The following DNAH11 variants were observed in gnomAD, a reference collection of about 807,000 sequenced individuals.
DNAH11 encodes axonemal beta dynein heavy chain 11.
A neutral mutation model predicts 526.0 loss-of-function variants in DNAH11; 442 were observed. That is an observed-to-expected ratio of 0.84 (90% CI 0.78 to 0.91). The LOEUF (loss-of-function observed/expected upper bound fraction) is 0.91. Among genes scored for constraint, DNAH11 ranks in the 40% least tolerant of loss-of-function variants. The probability of loss-of-function intolerance (pLI) is 0.00; values close to 1 mark genes in which losing one functional copy is unlikely to be tolerated. For synonymous variants in DNAH11, 2,461 were observed against 1,935.9 expected (o/e 1.27, Z -7.12); for missense variants, 6,989 against 5,448.7 (o/e 1.28, Z -8.90).
chr7:21,626,664 C>G (rs1441406077), intron 25 of DNAH11, among the ~76,000 whole-genome samples: 1 of 150,458 alleles, frequency 6.6e-6, no homozygotes, highest in Non-Finnish European at 1.5e-5. Flanking sequence ...GACATCATAT[C>G]TCATTGTATT....
chr7:21,749,691 A>G lies in DNAH11; in HGVS notation c.8687A>G (p.Asn2896Ser), dbSNP rs1043674651. Residue 2896 changes from asparagine to serine, a missense_variant, in exon 53 of 82, where the codon AAT becomes AGT. By Grantham distance (46) the Asn-to-Ser change is conservative. Transcript: ENST00000409508. ...GIQELRVDLA[N>S]LYIRTGAKNM... ...CTTTCCTTACAGGTAGATCTTGCCA[A>G]TTTGTACATCCGAACTGGAGCCAAG... is the stretch of plus-strand genomic sequence containing the variant. The G allele has an allele frequency of 1.9e-6, 3 of 1,613,858 alleles. No individual in the cohort carries two copies. Among genetic ancestry groups the G allele is most frequent in the South Asian group, 1.1e-5 (1 of 91,058 alleles).
intron 40 of DNAH11, among the ~76,000 whole-genome samples, chr7:21,710,162 GA>G (rs1784407617): frequency 6.6e-6 from 1 of 152,158 alleles, no homozygotes; most frequent in African/African-American, 2.4e-5. Flanking sequence ...GGAGACAGGT[GA>G]AATAAACAAA....
chr7:21,673,768 A>C (rs1013059022), intron 30 of DNAH11, among the ~76,000 whole-genome samples: 1 of 152,168 alleles, frequency 6.6e-6, no homozygotes, highest in Non-Finnish European at 1.5e-5. Flanking sequence ...ATTATAATCA[A>C]GCTTGCTGAC....
At chr7:21,609,574 A>T (rs924466776) in intron 20 of DNAH11, among the ~76,000 whole-genome samples, 1 of 152,162 alleles carries the variant, frequency 6.6e-6, no homozygotes, top group African/African-American at 2.4e-5. Flanking sequence ...GATAGGAAAA[A>T]AAACGATTAA....
intron 29 of DNAH11, 78 bp downstream of exon 29, chr7:21,656,059 A>T: frequency 1.4e-6 from 2 of 1,446,764 alleles, no homozygotes; most frequent in Non-Finnish European, 1.8e-6. Flanking sequence ...TCAACAAGCA[A>T]AAAATTCAAC....
chr7:21,834,344 A>G (rs953726890), intron 65 of DNAH11, among the ~76,000 whole-genome samples: 1 of 152,342 alleles, frequency 6.6e-6, no homozygotes, highest in South Asian at 2.1e-4. Context: ...GGAACACAGC[A>G]AAAGCAGTTC....
intron 14 of DNAH11, among the ~76,000 whole-genome samples, chr7:21,593,547 T>C (rs1784764817): frequency 1.4e-5 from 2 of 146,214 alleles, no homozygotes; most frequent in African/African-American, 4.9e-5. Context: ...GGAGAAAAAA[T>C]TGTTGGAAGA....
intron 56 of DNAH11, among the ~76,000 whole-genome samples, chr7:21,776,447 T>A (rs1787675646): frequency 6.6e-6 from 1 of 152,206 alleles, no homozygotes; most frequent in Non-Finnish European, 1.5e-5. Context: ...GAGAGCGTAA[T>A]GCCTGTATAT....
chr7:21,588,597 T>C lies in DNAH11; in HGVS notation c.1934T>C (p.Leu645Pro), dbSNP rs766523370. Residue 645 changes from leucine to proline, a missense_variant, in exon 11 of 82, where the codon CTT (leucine) becomes CCT (proline). By Grantham distance (98) the Leu-to-Pro change is moderately conservative (BLOSUM62 -3). Coordinates refer to ENST00000409508, the MANE Select transcript of DNAH11 (RefSeq NM_001277115.2). Reference protein sequence around the residue: ...MKWAQQVLQRLQMFWSNFASL... With the variant: ...MKWAQQVLQRPQMFWSNFASL... ...TGGGCCCAGCAGGTTCTCCAACGAC[T>C]TCAAATGTTTTGGTCAAACTTCGCA... The C allele has an allele frequency of 5.0e-6, 8 of 1,613,768 alleles. No individual in the cohort carries two copies. The highest frequency in any genetic ancestry group is 8.5e-7 in the Non-Finnish European group (1 of 1,179,666).
rs181604882 is a variant in DNAH11, at chr7:21,595,923, G to C, written c.2668-3864G>C. Among the ~76,000 whole-genome samples the C allele has an allele frequency of 3.3e-5, 5 of 152,284 alleles. No individual in the cohort carries two copies. In the East Asian group the frequency reaches 9.6e-4, roughly 29 times the overall value. ...AAAGATGCAGAAAAGGAAAGGCTGA[G>C]ACAGTAGGAGGAAAACCAGGACAGG... On this transcript the variant is annotated intron_variant, in intron 14 of 81. Transcript: ENST00000409508.
chr7:21,714,911 A>G (rs913101331), intron 42 of DNAH11, among the ~76,000 whole-genome samples: 2 of 152,186 alleles, frequency 1.3e-5, no homozygotes, highest in Middle Eastern at 3.2e-3. Flanking sequence ...GGAAGCCACA[A>G]CTTTAGATCA....
chr7:21,727,388 CTTAG>C (rs775645687), intron 45 of DNAH11, among the ~76,000 whole-genome samples: 8 of 152,202 alleles, frequency 5.3e-5, no homozygotes, highest in Non-Finnish European at 7.4e-5. Context: ...CTGTAAACTT[CTTAG>C]TTAGTACTTT....
intron 36 of DNAH11, among the ~76,000 whole-genome samples, chr7:21,699,394 GC>G (rs1216486496): frequency 1.3e-5 from 2 of 152,076 alleles, no homozygotes; most frequent in African/African-American, 4.8e-5. Context: ...TTAAAATTCA[GC>G]CATATGATCA....
chr7:21,807,377 T>C (rs7781377), intron 62 of DNAH11, among the ~76,000 whole-genome samples: 2,213 of 152,306 alleles, frequency 0.015, 46 homozygotes, highest in African/African-American at 0.051. Flanking sequence ...TGCATGCCTA[T>C]AGTCCCAGCT....
chr7:21,658,005 G>C (rs1033321286), intron 29 of DNAH11, among the ~76,000 whole-genome samples: 2 of 151,884 alleles, frequency 1.3e-5, no homozygotes, highest in Non-Finnish European at 2.9e-5. Context: ...ACTTTTTATT[G>C]CTATGGTCAA....
intron 65 of DNAH11, among the ~76,000 whole-genome samples, chr7:21,841,090 A>G (rs529447378): frequency 6.6e-6 from 1 of 152,228 alleles, no homozygotes; most frequent in East Asian, 1.9e-4. Flanking sequence ...AGGCTGAGGC[A>G]CAAGAATGAC....
At chr7:21,549,640 G>A (rs1436087462) in intron 2 of DNAH11, among the ~76,000 whole-genome samples, 1 of 152,246 alleles carries the variant, frequency 6.6e-6, no homozygotes, top group Non-Finnish European at 1.5e-5. Context: ...GATGAGTATA[G>A]GATTGCGTTT....
chr7:21,843,555 A>G (rs1782298460), intron 66 of DNAH11, among the ~76,000 whole-genome samples: 2 of 147,908 alleles, frequency 1.4e-5, no homozygotes, highest in Non-Finnish European at 3.0e-5. Flanking sequence ...GTCTCGGCTC[A>G]CTGCAACCTC....
At chr7:21,849,880 C>G (rs1782556444) in intron 66 of DNAH11, among the ~76,000 whole-genome samples, 1 of 151,878 alleles carries the variant, frequency 6.6e-6, no homozygotes, top group Non-Finnish European at 1.5e-5. Flanking sequence ...GAATTTTTAG[C>G]TACCATTATT....
Sources: allele counts gnomAD v4.1 joint callset (sites outside exome capture counted in the v4.1 genomes callset), GRCh38; gene constraint gnomAD v4.1.1; transcripts MANE v1.5; gene names NCBI Gene and HGNC (gene_info 2026-07-23, HGNC 2026-07-21).